Variants in RABEP1 observed in about 807,000 individuals in gnomAD.
RABEP1 encodes rab GTPase-binding effector protein 1.
A neutral mutation model predicts 123.4 loss-of-function variants in RABEP1; 51 were observed. That is an observed-to-expected ratio of 0.41 (90% CI 0.33 to 0.52). The LOEUF is 0.52. Ranked by LOEUF, RABEP1 falls within the 20% of genes least tolerant of loss-of-function variation. The probability of loss-of-function intolerance (pLI) is 0.16; values close to 1 mark genes in which losing one functional copy is unlikely to be tolerated. For synonymous variants in RABEP1, 347 were observed against 355.2 expected (o/e 0.98, Z 0.26); for missense variants, 888 against 996.3 (o/e 0.89, Z 1.46).
chr17:5,331,891 G>C, intron 2 of RABEP1, 58 bp from the exon 3 acceptor site: 1 of 1,459,892 alleles, frequency 6.8e-7, no homozygotes, highest in South Asian at 1.2e-5. Flanking sequence ...TTTCTTTATT[G>C]GAATGCCAGT....
At chr17:5,351,913 C>T (rs1235025809) in intron 7 of RABEP1, among the ~76,000 whole-genome samples, 2 of 151,946 alleles carry the variant, frequency 1.3e-5, no homozygotes, top group Non-Finnish European at 2.9e-5. Context: ...TACCCTTTCT[C>T]CTTGTAGCGT....
chr17:5,320,439 A>AAAAAAAAAAAAAG (rs1567519653), intron 2 of RABEP1, among the ~76,000 whole-genome samples: 1 of 129,014 alleles, frequency 7.8e-6, no homozygotes. Flanking sequence ...AAAAAAAAAA[A>AAAAAAAAAAAAAG]AAAAAGAAAA....
intron 2 of RABEP1, among the ~76,000 whole-genome samples, chr17:5,312,911 G>A (rs533453933): frequency 5.3e-5 from 8 of 152,038 alleles, no homozygotes; most frequent in East Asian, 1.9e-4. Flanking sequence ...GTTAGAGTCC[G>A]GCCTGGCCAA....
chr17:5,368,567 A>G, intron 12 of RABEP1, 99 bp downstream of exon 12: 1 of 831,182 alleles, frequency 1.2e-6, no homozygotes, highest in Non-Finnish European at 2.0e-6. Flanking sequence ...CATCCTGTCC[A>G]AAGTAGTTAC....
rs571976392 is a variant in RABEP1, at chr17:5,321,386, C to T, written c.164-10563C>T. 5.2e-4 allele frequency among the ~76,000 whole-genome samples: 79 copies of T among 152,274 alleles called. No homozygotes were observed. The South Asian group carries it at 0.013, about 26-fold the overall frequency. On this transcript the variant is annotated intron_variant, in intron 2 of 17. Coordinates refer to ENST00000537505, the MANE Select transcript of RABEP1 (RefSeq NM_004703.6). The stretch of plus-strand genomic sequence containing the variant: ...TAAGCCCAGGAAGTCAAGGCTGCAG[C>T]GAGCTGTGATTGTGCCACAGCACTC...
intron 2 of RABEP1, among the ~76,000 whole-genome samples, chr17:5,317,939 C>T (rs549621930): frequency 6.6e-6 from 1 of 152,158 alleles, no homozygotes; most frequent in South Asian, 2.1e-4. Flanking sequence ...TGGAGAGCTT[C>T]CAGATAACTG....
intron 1 of RABEP1, among the ~76,000 whole-genome samples, chr17:5,304,199 T>C (rs1567870429): frequency 1.3e-5 from 2 of 152,178 alleles, no homozygotes; most frequent in African/African-American, 2.4e-5. Flanking sequence ...TTGTATTCTT[T>C]TTTCGTTTTG....
At chr17:5,370,212 A>G (rs1910419643) in intron 12 of RABEP1, among the ~76,000 whole-genome samples, 1 of 152,128 alleles carries the variant, frequency 6.6e-6, no homozygotes, top group African/African-American at 2.4e-5. Flanking sequence ...CTTTCTGTGT[A>G]TGTTTGTAGG....
At position 5,282,412 on chromosome 17, in the gene RABEP1, C is replaced by T. The variant is rs1185632072; in HGVS notation, c.-75C>T. On this transcript the variant is annotated 5_prime_UTR_variant, in exon 1 of 18. Coordinates refer to ENST00000537505, the MANE Select transcript of RABEP1 (RefSeq NM_004703.6). The stretch of plus-strand genomic sequence containing the variant: ...GCGGCGGCTCGGTTGACGCCTCCTC[C>T]GCCAGCTGAGCCCGCGGGAGCCCAG... The T allele has an allele frequency of 2.0e-5, 24 of 1,200,824 alleles. No individual in the cohort carries two copies. The highest frequency in any genetic ancestry group is 3.2e-5 in the African/African-American group (2 of 62,938). The allele number at this position is 1,200,824 out of a possible 1,614,324, so 74.4% of individuals were successfully genotyped here.
At chr17:5,300,140 A>G (rs1406547881) in intron 1 of RABEP1, among the ~76,000 whole-genome samples, 2 of 152,172 alleles carry the variant, frequency 1.3e-5, no homozygotes, top group Non-Finnish European at 2.9e-5. Flanking sequence ...TTAGATGGGA[A>G]GGAAAATCTA....
At chr17:5,353,199 T>C (rs551578514) in intron 7 of RABEP1, among the ~76,000 whole-genome samples, 1 of 152,324 alleles carries the variant, frequency 6.6e-6, no homozygotes, top group East Asian at 1.9e-4. Context: ...TGCTTTTCCA[T>C]GTTTCTGTCT....
At chr17:5,294,453 T>C (rs2075061598) in intron 1 of RABEP1, among the ~76,000 whole-genome samples, 1 of 151,928 alleles carries the variant, frequency 6.6e-6, no homozygotes, top group African/African-American at 2.4e-5. Flanking sequence ...TACATAGTAT[T>C]TACATTGTAT....
chr17:5,336,582 CT>C (rs1907110744), intron 4 of RABEP1: 2 of 400,442 alleles, frequency 5.0e-6, no homozygotes, highest in African/African-American at 4.4e-5. Flanking sequence ...TTTTAATGAC[CT>C]TTCTGTCATT....
chr17:5,349,572 G>A (rs751256070), intron 6 of RABEP1, among the ~76,000 whole-genome samples: 3 of 151,982 alleles, frequency 2.0e-5, no homozygotes, highest in African/African-American at 2.4e-5. Flanking sequence ...TATATTAACC[G>A]GACCCAACGA....
rs763487435 is a variant in RABEP1 at position 5,381,458 on chromosome 17, A to C, written c.2440A>C (p.Ser814Arg). Residue 814 changes from serine (S) to arginine (R), a missense_variant, in exon 17 of 18, where the codon AGT becomes CGT. Transcript: ENST00000537505. ...GAGATTACAGACAGAATTAGATGTCAGTGAGCAAGTCCAGAGGGATTTTGT... is the reference window on the plus strand; with the variant it reads ...GAGATTACAGACAGAATTAGATGTCCGTGAGCAAGTCCAGAGGGATTTTGT... The part of the protein sequence containing the change: ...AQRLQTELDV[S>R]EQVQRDFVKL... 2 of 1,613,620 alleles carry C rather than the reference A, an allele frequency of 1.2e-6. No individual in the cohort carries two copies. Among genetic ancestry groups the C allele is most frequent in the Admixed American group, 1.7e-5 (1 of 59,986 alleles).
chr17:5,359,573 G>A (rs1597382987), intron 8 of RABEP1, among the ~76,000 whole-genome samples: 1 of 152,192 alleles, frequency 6.6e-6, no homozygotes, highest in East Asian at 1.9e-4. Flanking sequence ...TACGAGATTT[G>A]TGTTCTTAGC....
intron 8 of RABEP1, among the ~76,000 whole-genome samples, chr17:5,357,701 TGA>T (rs1909148595): frequency 6.6e-6 from 1 of 152,116 alleles, no homozygotes; most frequent in African/African-American, 2.4e-5. Flanking sequence ...TAATGGTGAC[TGA>T]GTGATGACAT....
intron 6 of RABEP1, 121 bp downstream of exon 6, chr17:5,347,046 C>T: frequency 1.1e-6 from 1 of 880,710 alleles, no homozygotes; most frequent in Non-Finnish European, 1.6e-6. Context: ...TCAATTTAAG[C>T]CTTGTAGTTG....
intron 17 of RABEP1, 43 bp downstream of exon 17, chr17:5,381,548 T>G (rs147286135): frequency 6.3e-7 from 1 of 1,592,074 alleles, no homozygotes; most frequent in African/African-American, 1.3e-5. Flanking sequence ...GAAGGCAGTT[T>G]TGGGGGACAG....
Sources: allele counts gnomAD v4.1 joint callset (sites outside exome capture counted in the v4.1 genomes callset), GRCh38; gene constraint gnomAD v4.1.1; transcripts MANE v1.5; gene names NCBI Gene and HGNC (gene_info 2026-07-23, HGNC 2026-07-21).